The following UNC45A variants were observed in gnomAD, a reference collection of about 807,000 sequenced individuals.
UNC45A encodes the protein unc-45 myosin chaperone A, also known as protein unc-45 homolog A.
A neutral mutation model predicts 103.2 loss-of-function variants in UNC45A; 78 were observed. The observed-to-expected ratio is 0.76, with a 90% confidence interval of 0.63 to 0.91. The LOEUF (loss-of-function observed/expected upper bound fraction) is 0.91, where lower values mean the gene tolerates loss of function less well. Among genes scored for constraint, UNC45A ranks in the 40% least tolerant of loss-of-function variants. UNC45A has a pLI of 0.00. For synonymous variants in UNC45A, 495 were observed against 504.6 expected, an observed-to-expected ratio of 0.98 and a Z score of 0.25; for missense variants, 1,193 against 1,224.8, an observed-to-expected ratio of 0.97 and a Z score of 0.39.
upstream of UNC45A, chr15:90,931,980 G>A: frequency 1.2e-6 from 2 of 1,613,834 alleles, no homozygotes. Context: ...TGAGATGTCA[G>A]CCAAGGGTTG....
At chr15:90,932,219 G>A, upstream of UNC45A, 3 of 1,235,220 alleles carry the variant, frequency 2.4e-6, no homozygotes, top group South Asian at 3.1e-5. Flanking sequence ...GACTAGCTGG[G>A]TGACCTTGGT....
At position 90,952,911 on chromosome 15, in the gene UNC45A, C is replaced by T. The variant is rs1016389425; in HGVS notation, c.2304-18C>T. On this transcript the variant is annotated intron_variant, in intron 17 of 19. Coordinates refer to ENST00000418476, the MANE Select transcript of UNC45A (RefSeq NM_018671.5). ...CATCCAAACCGTATCCCTGCTGCTTCCTCCTGTGGCCCTGCAGGCAGAAGA... is the reference window on the plus strand; with the variant it reads ...CATCCAAACCGTATCCCTGCTGCTTTCTCCTGTGGCCCTGCAGGCAGAAGA... 2 of 1,607,326 alleles carry T rather than the reference C, an allele frequency of 1.2e-6. No homozygotes were observed. The highest frequency in any genetic ancestry group is 1.7e-6 in the Non-Finnish European group (2 of 1,176,426).
intron 12 of UNC45A, 50 bp from the exon 13 acceptor site, chr15:90,948,604 G>A (rs766696038): frequency 9.4e-6 from 15 of 1,601,630 alleles, no homozygotes; most frequent in Non-Finnish European, 1.2e-5. Context: ...ATTTATCTGA[G>A]TACTGCTCTG....
At chr15:90,949,564 C>T (rs1426903582) in intron 14 of UNC45A, 90 bp from the exon 15 acceptor site, 25 of 1,596,206 alleles carry the variant, frequency 1.6e-5, no homozygotes, top group East Asian at 2.2e-5. Flanking sequence ...GGGCTGCCTG[C>T]GTGGCTGCCG....
chr15:90,933,583 C>T (rs1320500915), upstream of UNC45A: 2 of 153,142 alleles, frequency 1.3e-5, no homozygotes, highest in Non-Finnish European at 1.5e-5. Context: ...TTCAGCTAGT[C>T]TTGGTGGTTG....
In UNC45A at chr15:90,946,667, T is replaced by C; in HGVS notation, c.1253T>C (p.Val418Ala). Reference protein sequence around the residue: ...LAGKLRAIQTVSCLLQGPCDA... With the variant: ...LAGKLRAIQTASCLLQGPCDA... The stretch of plus-strand genomic sequence containing the variant: ...GGGAAGCTACGGGCCATCCAGACGG[T>C]GTCCTGCCTCCTGCAGGGCCCATGT... Residue 418 changes from valine (V) to alanine (A), a missense_variant, in exon 10 of 20, where the codon GTG (valine) becomes GCG (alanine). Val to Ala is a moderately conservative substitution (Grantham distance 64). Coordinates refer to ENST00000418476, the MANE Select transcript of UNC45A (RefSeq NM_018671.5). 2 of 1,612,116 alleles carry C rather than the reference T, an allele frequency of 1.2e-6. No individual in the cohort carries two copies. Among genetic ancestry groups the C allele is most frequent in the Non-Finnish European group, 1.7e-6 (2 of 1,179,900 alleles).
At chr15:90,942,316 G>A in intron 6 of UNC45A, 121 bp from the exon 7 acceptor site, 2 of 1,170,420 alleles carry the variant, frequency 1.7e-6, no homozygotes, top group South Asian at 1.5e-5. Context: ...GTTTTCACCT[G>A]GAGCTGGGCC....
In UNC45A at chr15:90,943,005, C is replaced by A. The variant is rs766805896; in HGVS notation, c.950C>A (p.Thr317Asn). ...GGCCAAGGCCGAGACAATGCCCTGA[C>A]CCTCCTGATTAAAGCGGTGCCCCGG... is the stretch of plus-strand genomic sequence containing the variant. ...VSGQGRDNAL[T>N]LLIKAVPRKS... The change falls in exon 8 of 20, where the codon ACC (threonine) becomes AAC (asparagine). Residue 317 changes from threonine (T) to asparagine (N), a missense_variant. By Grantham distance (65) the Thr-to-Asn change is moderately conservative. Transcript: ENST00000418476. 3.7e-6 allele frequency: 6 copies of A among 1,614,104 alleles called. No homozygotes were observed. Among genetic ancestry groups the A allele is most frequent in the Non-Finnish European group, 5.1e-6 (6 of 1,180,042 alleles).
chr15:90,948,833 T>C, intron 13 of UNC45A, 39 bp downstream of exon 13: 2 of 1,534,728 alleles, frequency 1.3e-6, no homozygotes, highest in Non-Finnish European at 1.8e-6. Flanking sequence ...TTCCCCACCA[T>C]GGGGACAGCT....
At chr15:90,946,989 G>C in intron 10 of UNC45A, 75 bp downstream of exon 10, 1 of 1,519,482 alleles carries the variant, frequency 6.6e-7, no homozygotes. Flanking sequence ...TGCAGGGTGT[G>C]GCCCCAGCAC....
chr15:90,947,025 G>A (rs2036611669), intron 10 of UNC45A, 111 bp downstream of exon 10: 2 of 1,329,304 alleles, frequency 1.5e-6, no homozygotes, highest in Non-Finnish European at 2.1e-6. Flanking sequence ...AAGGAATACT[G>A]TAATGCCAAA....
upstream of UNC45A, chr15:90,931,539 C>A (rs774738103): frequency 1.2e-6 from 2 of 1,614,066 alleles, no homozygotes; most frequent in Non-Finnish European, 1.7e-6. Flanking sequence ...TCCCCTTGGC[C>A]CAGCTATTGT....
intron 6 of UNC45A, 198 bp downstream of exon 6, chr15:90,940,671 G>T (rs538999031): frequency 2.0e-6 from 1 of 490,102 alleles, no homozygotes; most frequent in East Asian, 4.6e-5. Context: ...CCAGCACTTT[G>T]GGGGGCTGAG....
At chr15:90,948,094 T>C in intron 11 of UNC45A, 48 bp from the exon 12 acceptor site, 1 of 1,609,702 alleles carries the variant, frequency 6.2e-7, no homozygotes, top group Non-Finnish European at 8.5e-7. Context: ...GGTGTACCCC[T>C]CCGTACCCCC....
At chr15:90,932,497 G>T, upstream of UNC45A, 1 of 1,303,830 alleles carries the variant, frequency 7.7e-7, no homozygotes, top group Non-Finnish European at 9.7e-7. Context: ...CTTGCGAGCC[G>T]CGAAGTCGGC....
At position 90,941,873 on chromosome 15, in the gene UNC45A, G is replaced by T. The variant is rs146391957; in HGVS notation, c.688-564G>T. Reference sequence around the variant, plus strand: ...ACTCAGGAGGCTGAGGCAGGGAAATGGCGTGAACCTGGGAGGTGGAGCTTG... The same window carrying T: ...ACTCAGGAGGCTGAGGCAGGGAAATTGCGTGAACCTGGGAGGTGGAGCTTG... On this transcript the variant is annotated intron_variant, in intron 6 of 19. Transcript: ENST00000418476. Among the ~76,000 whole-genome samples, 125 of 151,972 alleles carry T rather than the reference G, an allele frequency of 8.2e-4. 1 individual carries two copies. Among genetic ancestry groups the T allele is most frequent in the African/African-American group, 3.0e-3 (123 of 41,410 alleles).
chr15:90,931,399 G>T, upstream of UNC45A: 1 of 1,580,086 alleles, frequency 6.3e-7, no homozygotes, highest in Admixed American at 1.8e-5. Flanking sequence ...TCGATGTTCT[G>T]ACCATCCTGC....
rs562091702 is a variant in UNC45A at position 90,939,940 on chromosome 15, G to A, written c.519+117G>A. 151 of 953,734 alleles carry A rather than the reference G, an allele frequency of 1.6e-4. No homozygotes were observed. The Middle Eastern group carries it at 2.2e-3, about 14-fold the overall frequency. 59.1% of individuals were successfully genotyped at this position (953,734 alleles called of 1,614,324 possible). A position where few individuals can be genotyped will look rare whatever the true frequency, so the allele number is the denominator to read the frequency against. On this transcript the variant is annotated intron_variant, in intron 5 of 19. Coordinates refer to ENST00000418476, the MANE Select transcript of UNC45A (RefSeq NM_018671.5). ...CCTCCAATCGTGCAGCTGGGCTCAC[G>A]GGGCCTGGATGGGAGCTCTGAGGGT...
chr15:90,931,803 G>C (rs2035804431), upstream of UNC45A: 6 of 1,614,150 alleles, frequency 3.7e-6, no homozygotes, highest in Non-Finnish European at 4.2e-6. Context: ...TGCTCCACCT[G>C]CAGCCTCTTT....
Sources: gnomAD v4.1 joint callset for allele counts (sites outside exome capture counted in the v4.1 genomes callset) on GRCh38, gnomAD v4.1.1 for gene constraint, MANE v1.5 for transcripts, NCBI Gene and HGNC (gene_info 2026-07-23, HGNC 2026-07-21) for gene names.